The following CDIN1 variants were observed in gnomAD, a reference collection of about 807,000 sequenced individuals.
CDIN1 encodes the protein CDAN1-interacting nuclease 1.
Under a neutral mutation model 45.3 loss-of-function variants are expected in CDIN1, and 33 were observed. The observed-to-expected ratio is 0.73, with a 90% CI of 0.55 to 0.97. The LOEUF is 0.97. Ranked by LOEUF, CDIN1 falls within the 50% of genes least tolerant of loss-of-function variation. The pLI, the probability that CDIN1 is intolerant of heterozygous loss-of-function variation, is 0.00. For missense variants in CDIN1, 303 were observed against 339.4 expected, an observed-to-expected ratio of 0.89 and a Z score of 0.84; for synonymous variants, 118 against 124.4, an observed-to-expected ratio of 0.95 and a Z score of 0.34.
intron 10 of CDIN1, among the ~76,000 whole-genome samples, chr15:36,769,306 C>A (rs182773690): frequency 6.6e-6 from 1 of 152,262 alleles, no homozygotes; most frequent in African/African-American, 2.4e-5. Flanking sequence ...GATAGGCCGG[C>A]AGACTGGAAA....
At chr15:36,738,130 T>G (rs1277873902) in intron 10 of CDIN1, among the ~76,000 whole-genome samples, 2 of 152,094 alleles carry the variant, frequency 1.3e-5, no homozygotes, top group Non-Finnish European at 2.9e-5. Context: ...CTCTTCTCTA[T>G]TTTTTTGGCT....
intron 10 of CDIN1, among the ~76,000 whole-genome samples, chr15:36,712,786 C>T (rs192969916): frequency 3.0e-4 from 46 of 152,212 alleles, no homozygotes; most frequent in African/African-American, 9.9e-4. Flanking sequence ...AGCACATCTC[C>T]ATCCCAAGAC....
intron 1 of CDIN1, among the ~76,000 whole-genome samples, chr15:36,630,568 C>T (rs532461998): frequency 1.3e-4 from 20 of 152,178 alleles, no homozygotes; most frequent in Non-Finnish European, 2.4e-4. Flanking sequence ...GTTGATGCCA[C>T]CCTCCCTATT....
intron 8 of CDIN1, among the ~76,000 whole-genome samples, chr15:36,703,671 G>A (rs973434162): frequency 6.6e-6 from 1 of 152,062 alleles, no homozygotes; most frequent in East Asian, 1.9e-4. Context: ...TGTGATTGCT[G>A]AATTGAATCC....
chr15:36,717,892 G>A (rs2043269092), intron 10 of CDIN1, among the ~76,000 whole-genome samples: 1 of 152,012 alleles, frequency 6.6e-6, no homozygotes, highest in Non-Finnish European at 1.5e-5. Context: ...GTAAAAATGT[G>A]TTAATGTGAT....
intron 1 of CDIN1, among the ~76,000 whole-genome samples, chr15:36,616,582 G>A (rs1352145586): frequency 6.6e-6 from 1 of 152,112 alleles, no homozygotes; most frequent in East Asian, 1.9e-4. Flanking sequence ...TCTGCATAGA[G>A]TAATATCAGC....
chr15:36,768,467 C>T (rs2141017576), intron 10 of CDIN1, among the ~76,000 whole-genome samples: 1 of 152,318 alleles, frequency 6.6e-6, no homozygotes, highest in Middle Eastern at 3.4e-3. Flanking sequence ...TAGACTGTAG[C>T]TGCTGGAGTG....
intron 1 of CDIN1, chr15:36,619,077 T>C: frequency 8.4e-7 from 1 of 1,183,682 alleles, no homozygotes; most frequent in South Asian, 1.5e-5. Context: ...AGAAGTCCCT[T>C]GAGAAACCAA....
chr15:36,775,087 G>A (rs1260437683), intron 10 of CDIN1, among the ~76,000 whole-genome samples: 2 of 152,146 alleles, frequency 1.3e-5, no homozygotes. Context: ...GACACATGTC[G>A]CAGAGAAACC....
At chr15:36,582,169 A>G (rs1357343818) in intron 1 of CDIN1, among the ~76,000 whole-genome samples, 1 of 152,212 alleles carries the variant, frequency 6.6e-6, no homozygotes, top group Non-Finnish European at 1.5e-5. Context: ...ATTTTTGAGA[A>G]AGTGTCTGCC....
intron 10 of CDIN1, among the ~76,000 whole-genome samples, chr15:36,781,001 C>T (rs1315849118): frequency 6.6e-6 from 1 of 152,164 alleles, no homozygotes; most frequent in East Asian, 1.9e-4. Flanking sequence ...TCCAAGGACG[C>T]CCCAAAGTCC....
At chr15:36,629,787 C>T (rs2039605724) in intron 1 of CDIN1, among the ~76,000 whole-genome samples, 1 of 152,034 alleles carries the variant, frequency 6.6e-6, no homozygotes, top group Non-Finnish European at 1.5e-5. Flanking sequence ...GAGGCGGGTG[C>T]TTCTAGGTCT....
chr15:36,770,558 C>T (rs894804778), intron 10 of CDIN1, among the ~76,000 whole-genome samples: 1 of 152,084 alleles, frequency 6.6e-6, no homozygotes, highest in African/African-American at 2.4e-5. Context: ...AAGCAATCCC[C>T]CCACCTCAGC....
chr15:36,723,432 A>G (rs927488484), intron 10 of CDIN1, among the ~76,000 whole-genome samples: 1 of 152,166 alleles, frequency 6.6e-6, no homozygotes, highest in Admixed American at 6.6e-5. Flanking sequence ...ATTAAAAGTG[A>G]AGTCATTGGT....
At chr15:36,740,844 G>A (rs554885717) in intron 10 of CDIN1, among the ~76,000 whole-genome samples, 173 of 150,640 alleles carry the variant, frequency 1.1e-3, no homozygotes, top group South Asian at 1.7e-3. Flanking sequence ...AGCTGAGATC[G>A]CACCATTGCT....
intron 1 of CDIN1, among the ~76,000 whole-genome samples, chr15:36,609,556 A>G (rs1188842935): frequency 1.3e-5 from 2 of 152,180 alleles, no homozygotes; most frequent in African/African-American, 4.8e-5. Flanking sequence ...GCTTGAAGCC[A>G]GGAGTTTGAG....
Position 36,808,962 on chromosome 15 carries a change from G to A in CDIN1, c.*509G>A, listed in dbSNP as rs963376544. On this transcript the variant is annotated 3_prime_UTR_variant, in exon 11 of 11. Transcript: ENST00000566621. ...CTAGCGCAAACCTAGGAAAGCTGAA[G>A]CCACAAAGTCCAAAGCCACCTTTGT... is the stretch of plus-strand genomic sequence containing the variant. The A allele has an allele frequency of 6.4e-5, 29 of 455,704 alleles. No individual in the cohort carries two copies. The highest frequency in any genetic ancestry group is 1.3e-4 in the Non-Finnish European group (29 of 226,746). The allele number at this position is 455,704 out of a possible 1,614,324, so 28.2% of individuals were successfully genotyped here.
chr15:36,600,685 G>C (rs1388394997), intron 1 of CDIN1, among the ~76,000 whole-genome samples: 2 of 152,110 alleles, frequency 1.3e-5, no homozygotes, highest in East Asian at 3.9e-4. Flanking sequence ...GTAGAAATTT[G>C]TATATTAACT....
chr15:36,612,291 C>G (rs954665115), intron 1 of CDIN1, among the ~76,000 whole-genome samples: 1 of 152,200 alleles, frequency 6.6e-6, no homozygotes, highest in Non-Finnish European at 1.5e-5. Context: ...GCACATGCCA[C>G]AGTCTTAACT....
Sources: gnomAD v4.1 joint callset for allele counts (sites outside exome capture counted in the v4.1 genomes callset) on GRCh38, gnomAD v4.1.1 for gene constraint, MANE v1.5 for transcripts, NCBI Gene and HGNC (gene_info 2026-07-23, HGNC 2026-07-21) for gene names.